Variants in SGCZ observed in about 807,000 individuals in gnomAD.
SGCZ encodes the protein sarcoglycan zeta.
SGCZ carries 40 observed loss-of-function variants against 41.3 expected under a neutral mutation model. That is an observed-to-expected ratio of 0.97 (90% CI 0.75 to 1.26). The LOEUF is 1.26. Among genes scored for constraint, SGCZ ranks in the 50% most tolerant of loss-of-function variants. SGCZ has a pLI of 0.00. For missense variants in SGCZ, 552 were observed against 369.8 expected (o/e 1.49, Z -4.04); for synonymous variants, 206 against 137.5 (o/e 1.50, Z -3.49).
chr8:15,192,888 G>A (rs967324460), intron 1 of SGCZ, among the ~76,000 whole-genome samples: 1 of 151,986 alleles, frequency 6.6e-6, no homozygotes, highest in African/African-American at 2.4e-5. Context: ...AGAGAAAAAA[G>A]GAACATTTAA....
In SGCZ at chr8:14,089,513, A is replaced by C. The variant is rs1032088289; in HGVS notation, c.*930T>G. The stretch of plus-strand genomic sequence containing the variant: ...AATTTTAGCAGTCAGAATCAAGTGC[A>C]GAGTGAGTGGAGCAAACAAAAATTA... On this transcript the variant is annotated 3_prime_UTR_variant, in exon 8 of 8. Transcript: ENST00000382080. Among the ~76,000 whole-genome samples the C allele has an allele frequency of 2.0e-5, 3 of 152,052 alleles. No homozygotes were observed. Among genetic ancestry groups the C allele is most frequent in the Admixed American group, 2.0e-4 (3 of 15,230 alleles).
chr8:14,239,569 A>G (rs937789218), intron 3 of SGCZ, among the ~76,000 whole-genome samples: 24 of 152,152 alleles, frequency 1.6e-4, no homozygotes, highest in African/African-American at 4.3e-4. Flanking sequence ...TGTCAACAAT[A>G]GAGTAAAACA....
At chr8:15,129,108 T>TAA (rs1364436710) in intron 1 of SGCZ, among the ~76,000 whole-genome samples, 1 of 152,218 alleles carries the variant, frequency 6.6e-6, no homozygotes, top group Non-Finnish European at 1.5e-5. Context: ...TCCTTTCAAA[T>TAA]AAAGTATCTT....
rs1215396272 is a variant in SGCZ, at chr8:14,233,573, G to A, written c.424+4019C>T. ...AATACTTTATTTATACTACCATAAA[G>A]ATTTTTATTCTATATAAAATATAGA... On this transcript the variant is annotated intron_variant, in intron 4 of 7. Transcript: ENST00000382080. 3.5e-5 allele frequency among the ~76,000 whole-genome samples: 5 copies of A among 143,242 alleles called. No individual in the cohort carries two copies. The South Asian group carries it at 1.1e-3, about 32-fold the overall frequency. The allele number at this position is 143,242 out of a possible 152,430, so 94.0% of individuals were successfully genotyped here. A position where few individuals can be genotyped will look rare whatever the true frequency, so the allele number is the denominator to read the frequency against.
chr8:14,799,753 C>G (rs555449867), intron 1 of SGCZ, among the ~76,000 whole-genome samples: 53 of 152,034 alleles, frequency 3.5e-4, no homozygotes, highest in African/African-American at 1.2e-3. Context: ...TTGAAGCAAC[C>G]TTCTCTAAAA....
At chr8:14,261,805 C>G (rs1022153472) in intron 3 of SGCZ, among the ~76,000 whole-genome samples, 22 of 152,190 alleles carry the variant, frequency 1.4e-4, no homozygotes, top group African/African-American at 5.3e-4. Flanking sequence ...TATGGACTAA[C>G]TCTTTAGGAT....
intron 1 of SGCZ, among the ~76,000 whole-genome samples, chr8:15,196,920 T>C (rs1350248958): frequency 6.6e-6 from 1 of 152,188 alleles, no homozygotes; most frequent in African/African-American, 2.4e-5. Context: ...AGCCCGTATG[T>C]TTTTCTTCAT....
At position 14,853,425 on chromosome 8, in the gene SGCZ, G is replaced by T. The variant is rs374979689; in HGVS notation, c.40-298499C>A. On this transcript the variant is annotated intron_variant, in intron 1 of 7. Coordinates refer to ENST00000382080, the MANE Select transcript of SGCZ (RefSeq NM_139167.4). ...ATACCCAAGGTCTCATGAGGTAAAG[G>T]CTAGGACACTTGCTCTTTCTGACCA... 5.6e-6 allele frequency: 3 copies of T among 531,680 alleles called. No individual in the cohort carries two copies. The African/African-American group carries it at 5.8e-5, about 10-fold the overall frequency. The allele number at this position is 531,680 out of a possible 1,614,324, so 32.9% of individuals were successfully genotyped here.
At chr8:14,645,426 G>T (rs1420400134) in intron 1 of SGCZ, among the ~76,000 whole-genome samples, 2 of 138,682 alleles carry the variant, frequency 1.4e-5, no homozygotes, top group Non-Finnish European at 3.1e-5. Context: ...TAAAATATTT[G>T]CAGGTTTCTT....
chr8:14,588,527 G>T (rs1317482824), intron 1 of SGCZ, among the ~76,000 whole-genome samples: 1 of 152,020 alleles, frequency 6.6e-6, no homozygotes, highest in African/African-American at 2.4e-5. Context: ...CATTTTATGT[G>T]ATTCAAATAT....
intron 1 of SGCZ, among the ~76,000 whole-genome samples, chr8:14,968,426 A>G (rs1407801828): frequency 6.6e-6 from 1 of 152,178 alleles, no homozygotes. Flanking sequence ...CCAGAGAAAT[A>G]TCCCCAAACG....
chr8:14,262,878 A>G (rs1194407968), intron 3 of SGCZ, among the ~76,000 whole-genome samples: 1 of 151,714 alleles, frequency 6.6e-6, no homozygotes, highest in Non-Finnish European at 1.5e-5. Flanking sequence ...TGTGAGAAGT[A>G]TAAATCTTAT....
intron 2 of SGCZ, among the ~76,000 whole-genome samples, chr8:14,411,550 T>C (rs1426729670): frequency 2.6e-5 from 4 of 152,198 alleles, no homozygotes; most frequent in Middle Eastern, 3.4e-3. Context: ...CAAGCTGACA[T>C]AGAGAAATAT....
At chr8:14,119,123 A>G (rs1027614290) in intron 5 of SGCZ, among the ~76,000 whole-genome samples, 2 of 152,082 alleles carry the variant, frequency 1.3e-5, no homozygotes, top group African/African-American at 4.8e-5. Flanking sequence ...CTTGATGGGG[A>G]TAGCATTGAA....
intron 1 of SGCZ, among the ~76,000 whole-genome samples, chr8:14,871,062 G>A (rs776821153): frequency 6.6e-6 from 1 of 151,930 alleles, no homozygotes; most frequent in Non-Finnish European, 1.5e-5. Context: ...ACAAAATTAG[G>A]TGGGTGTGGT....
intron 1 of SGCZ, among the ~76,000 whole-genome samples, chr8:14,925,837 G>C (rs983244815): frequency 1.3e-5 from 2 of 150,502 alleles, no homozygotes; most frequent in Non-Finnish European, 3.0e-5. Flanking sequence ...ACTAAGGTCT[G>C]ATAAGAAGGG....
At chr8:14,366,043 T>C (rs530239337) in intron 2 of SGCZ, among the ~76,000 whole-genome samples, 2 of 152,186 alleles carry the variant, frequency 1.3e-5, no homozygotes, top group African/African-American at 4.8e-5. Flanking sequence ...TGTACTTTCA[T>C]GCATCTTGAG....
intron 5 of SGCZ, among the ~76,000 whole-genome samples, chr8:14,149,752 T>A (rs1803640972): frequency 6.6e-6 from 1 of 151,004 alleles, no homozygotes; most frequent in Non-Finnish European, 1.5e-5. Flanking sequence ...GAAACTGGAG[T>A]AATACATCAC....
At chr8:14,585,745 G>T (rs979421736) in intron 1 of SGCZ, among the ~76,000 whole-genome samples, 1 of 152,008 alleles carries the variant, frequency 6.6e-6, no homozygotes, top group Non-Finnish European at 1.5e-5. Flanking sequence ...AATACTCAAC[G>T]ATTAATTGTT....
Sources: gnomAD v4.1 joint callset for allele counts (sites outside exome capture counted in the v4.1 genomes callset) on GRCh38, gnomAD v4.1.1 for gene constraint, MANE v1.5 for transcripts, NCBI Gene and HGNC (gene_info 2026-07-23, HGNC 2026-07-21) for gene names.